The following RUBCNL variants were observed in gnomAD, a reference collection of about 807,000 sequenced individuals.
RUBCNL encodes the protein protein associated with UVRAG as autophagy enhancer.
In RUBCNL, 62 loss-of-function variants were observed where a neutral mutation model predicts 69.5. That is an observed-to-expected ratio of 0.89 (90% CI 0.73 to 1.10). The LOEUF (loss-of-function observed/expected upper bound fraction) is 1.10, where lower values mean the gene tolerates loss of function less well. RUBCNL is among the 50% of genes least tolerant of loss of function. RUBCNL has a pLI of 0.00. For missense variants in RUBCNL, 768 were observed against 798.1 expected, an observed-to-expected ratio of 0.96 and a Z score of 0.45; for synonymous variants, 291 against 303.6, an observed-to-expected ratio of 0.96 and a Z score of 0.43.
intron 14 of RUBCNL, 45 bp downstream of exon 14, chr13:46,344,696 T>C (rs752755083): frequency 7.9e-7 from 1 of 1,260,906 alleles, no homozygotes; most frequent in South Asian, 1.3e-5. Flanking sequence ...CTTAGTTTAA[T>C]TAGTTAACCT....
At chr13:46,387,828 C>G, upstream of RUBCNL, 1 of 985,590 alleles carries the variant, frequency 1.0e-6, no homozygotes, top group Non-Finnish European at 1.2e-6. Flanking sequence ...TTTGGAATCC[C>G]ATCACGGGTG....
At chr13:46,371,547 C>T (rs1266886862) in intron 3 of RUBCNL, among the ~76,000 whole-genome samples, 1 of 152,178 alleles carries the variant, frequency 6.6e-6, no homozygotes, top group East Asian at 1.9e-4. Context: ...AGTGAAGTGA[C>T]TTCACCACCT....
intron 1 of RUBCNL, among the ~76,000 whole-genome samples, chr13:46,383,516 T>C (rs2049166945): frequency 6.6e-6 from 1 of 152,132 alleles, no homozygotes; most frequent in Admixed American, 6.5e-5. Flanking sequence ...TTCCAAATTT[T>C]CTACACACAC....
At position 46,372,356 on chromosome 13, in the gene RUBCNL, G is replaced by A. The variant is rs1308481249; in HGVS notation, c.120C>T (p.Cys40=). 1 of 1,613,992 alleles carries A rather than the reference G, an allele frequency of 6.2e-7. No homozygotes were observed. The highest frequency in any genetic ancestry group is 2.2e-5 in the East Asian group (1 of 44,888). Residue 40 remains cysteine (C), a synonymous_variant, in exon 3 of 15, where the codon TGC becomes TGT. Transcript: ENST00000429979. ...GCCTCATGAGCCTGATGTCTAATTG[G>A]CAAGGAGGATGGTCAGTGTTCAGGA... ...PRLLNTDHPP[C]QLDIRLMRHK...
intron 8 of RUBCNL, 49 bp downstream of exon 8, chr13:46,361,392 T>G: frequency 6.2e-7 from 1 of 1,603,112 alleles, no homozygotes; most frequent in Non-Finnish European, 8.5e-7. Flanking sequence ...GCAGGCAAAA[T>G]GAGGATTTAG....
rs754557332 is a variant in RUBCNL, at chr13:46,349,318, C to G, written c.1599G>C (p.Lys533Asn). 2 of 1,613,760 alleles carry G rather than the reference C, an allele frequency of 1.2e-6. No individual in the cohort carries two copies. The highest frequency in any genetic ancestry group is 1.7e-6 in the Non-Finnish European group (2 of 1,179,736). ...CAAACCTACAGGTCTTCAACAGCTT[C>G]TTGATATGGAAGAGCTGCTCCTGAA... ...KEIQEQLFHI[K>N]KLLKTCRFAN... The change falls in exon 12 of 15, where the codon AAG becomes AAC. Residue 533 changes from lysine to asparagine, a missense_variant. Coordinates refer to ENST00000429979, the MANE Select transcript of RUBCNL (RefSeq NM_025113.5).
rs2048138931 is a variant in RUBCNL at position 46,341,140 on chromosome 13, C to T, written c.*2245G>A. On this transcript the variant is annotated 3_prime_UTR_variant, in exon 15 of 15. Transcript: ENST00000429979. ...TCCTCCCTGCAGTTGAGAATCATGA[C>T]TGTAAATGACACACTACTGGAATTG... Among the ~76,000 whole-genome samples the T allele has an allele frequency of 6.6e-6, 1 of 152,202 alleles. No homozygotes were observed. The highest frequency in any genetic ancestry group is 1.5e-5 in the Non-Finnish European group (1 of 68,030).
chr13:46,367,571 G>A (rs190207036), intron 5 of RUBCNL, among the ~76,000 whole-genome samples: 1 of 152,254 alleles, frequency 6.6e-6, no homozygotes, highest in East Asian at 1.9e-4. Context: ...TGGCAGAAAG[G>A]GTGAGGATTA....
At chr13:46,353,372 A>G (rs1243790809) in intron 10 of RUBCNL, among the ~76,000 whole-genome samples, 1 of 152,172 alleles carries the variant, frequency 6.6e-6, no homozygotes, top group East Asian at 1.9e-4. Flanking sequence ...TCCTCAACAC[A>G]CACTCAATAT....
chr13:46,355,279 T>A (rs2048460011), intron 10 of RUBCNL, among the ~76,000 whole-genome samples: 1 of 148,282 alleles, frequency 6.7e-6, no homozygotes, highest in Non-Finnish European at 1.5e-5. Flanking sequence ...CATTTCTGAC[T>A]GAGGAAAGCC....
intron 1 of RUBCNL, among the ~76,000 whole-genome samples, chr13:46,381,732 G>A (rs1228585892): frequency 1.3e-5 from 2 of 152,054 alleles, no homozygotes; most frequent in African/African-American, 4.8e-5. Context: ...ACAGGCATGC[G>A]CCACCACGCC....
In RUBCNL at chr13:46,350,371, G is replaced by T; in HGVS notation, c.1331-20C>A. 6.6e-7 allele frequency: 1 copy of T among 1,506,288 alleles called. No homozygotes were observed. The highest frequency in any genetic ancestry group is 9.0e-7 in the Non-Finnish European group (1 of 1,115,658). 93.3% of individuals were successfully genotyped at this position (1,506,288 alleles called of 1,614,324 possible). ...CAAACTCTGCCAAGCATACCGGAGG[G>T]TGAGTGCCACACCTGGTGCTGAAAA... On this transcript the variant is annotated intron_variant, in intron 10 of 14. Transcript: ENST00000429979.
At chr13:46,353,488 C>T (rs1372606357) in intron 10 of RUBCNL, among the ~76,000 whole-genome samples, 1 of 152,184 alleles carries the variant, frequency 6.6e-6, no homozygotes, top group Non-Finnish European at 1.5e-5. Context: ...TTAACTAAAA[C>T]AGAATACAAA....
chr13:46,362,457 A>C, intron 7 of RUBCNL, 81 bp downstream of exon 7: 1 of 802,356 alleles, frequency 1.2e-6, no homozygotes, highest in Non-Finnish European at 2.0e-6. Flanking sequence ...GTGGGCCCAG[A>C]ATGTCAGAGG....
At chr13:46,382,266 C>A (rs1182500765) in intron 1 of RUBCNL, among the ~76,000 whole-genome samples, 1 of 151,994 alleles carries the variant, frequency 6.6e-6, no homozygotes, top group Non-Finnish European at 1.5e-5. Context: ...CAAAAGAGCA[C>A]AAGCTACACA....
In RUBCNL at chr13:46,363,131, A is replaced by T; in HGVS notation, c.909T>A (p.Asp303Glu). ...DVKEICKCDV[D>E]EFVILELGDF... ...AAATCTTACCTAAAATAACAAATTCATCAACATCGCATTTGCAAATCTCTT... is the reference window on the plus strand; with the variant it reads ...AAATCTTACCTAAAATAACAAATTCTTCAACATCGCATTTGCAAATCTCTT... The change falls in exon 6 of 15, where the codon GAT (aspartate) becomes GAA (glutamate). Residue 303 changes from aspartate (D) to glutamate (E), a missense_variant. By Grantham distance (45) the Asp-to-Glu change is conservative. Coordinates refer to ENST00000429979, the MANE Select transcript of RUBCNL (RefSeq NM_025113.5). The T allele has an allele frequency of 6.3e-7, 1 of 1,598,518 alleles. No homozygotes were observed. Among genetic ancestry groups the T allele is most frequent in the Non-Finnish European group, 8.5e-7 (1 of 1,172,076 alleles).
intron 10 of RUBCNL, among the ~76,000 whole-genome samples, chr13:46,355,661 A>C (rs1399456844): frequency 6.6e-6 from 1 of 152,152 alleles, no homozygotes; most frequent in African/African-American, 2.4e-5. Flanking sequence ...CTACCTCCTC[A>C]AACTCTCAGA....
At position 46,343,111 on chromosome 13, in the gene RUBCNL, A is replaced by G. The variant is rs2048169222; in HGVS notation, c.*274T>C. On this transcript the variant is annotated 3_prime_UTR_variant, in exon 15 of 15. Coordinates refer to ENST00000429979, the MANE Select transcript of RUBCNL (RefSeq NM_025113.5). ...ACTGGCTCAGCATCAGTGAAACATA[A>G]CTATTCAAATACAAAAGTATAAAAA... The G allele has an allele frequency of 1.9e-6, 1 of 512,898 alleles. No homozygotes were observed. The highest frequency in any genetic ancestry group is 5.2e-4 in the Middle Eastern group (1 of 1,914). The allele number at this position is 512,898 out of a possible 1,614,324, so 31.8% of individuals were successfully genotyped here.
intron 5 of RUBCNL, among the ~76,000 whole-genome samples, chr13:46,364,629 T>TTA (rs563294274): frequency 7.2e-6 from 1 of 139,592 alleles, no homozygotes; most frequent in Non-Finnish European, 1.6e-5. Context: ...GTTTAACTGA[T>TTA]AAAAAAAAAA....
Sources: gnomAD v4.1 joint callset for allele counts (sites outside exome capture counted in the v4.1 genomes callset) on GRCh38, gnomAD v4.1.1 for gene constraint, MANE v1.5 for transcripts, NCBI Gene and HGNC (gene_info 2026-07-23, HGNC 2026-07-21) for gene names.